The following NAV2 variants were observed in gnomAD, a reference collection of about 807,000 sequenced individuals.
NAV2 encodes the protein helicase, APC down-regulated 1.
NAV2 carries 54 observed loss-of-function variants against 223.2 expected under a neutral mutation model. The observed-to-expected ratio is 0.24, with a 90% CI of 0.19 to 0.30. NAV2 has a LOEUF of 0.30. Ranked by LOEUF, NAV2 falls within the 10% of genes least tolerant of loss-of-function variation. NAV2 has a pLI of 1.00. For synonymous variants in NAV2, 1,279 were observed against 1,239.3 expected, an observed-to-expected ratio of 1.03 and a Z score of -0.67; for missense variants, 2,806 against 3,147.5, an observed-to-expected ratio of 0.89 and a Z score of 2.60.
intron 1 of NAV2, among the ~76,000 whole-genome samples, chr11:19,497,238 A>G (rs2042825534): frequency 6.6e-6 from 1 of 152,176 alleles, no homozygotes; most frequent in African/African-American, 2.4e-5. Context: ...ACAGGTTGTT[A>G]TGAGGATTGA....
At chr11:19,925,570 G>A (rs2044672642) in intron 6 of NAV2, among the ~76,000 whole-genome samples, 1 of 152,086 alleles carries the variant, frequency 6.6e-6, no homozygotes, top group Non-Finnish European at 1.5e-5. Flanking sequence ...CCAATGTGGT[G>A]AAACCCTGTC....
At chr11:19,358,568 G>A (rs1853753569) in intron 1 of NAV2, among the ~76,000 whole-genome samples, 1 of 152,164 alleles carries the variant, frequency 6.6e-6, no homozygotes, top group African/African-American at 2.4e-5. Context: ...GTCACAGTGA[G>A]ACTTGAGGGA....
In NAV2 at chr11:19,948,747, T is replaced by C; in HGVS notation, c.2312T>C (p.Ile771Thr). Residue 771 changes from isoleucine (I) to threonine (T), a missense_variant, in exon 10 of 38, where the codon ATA (isoleucine) becomes ACA (threonine). Around this residue, in one of 4 missense-constraint regions of NAV2, gnomAD observed 1,167 missense variants for 1,180.5 expected, o/e 0.99. Transcript: ENST00000349880. ...ACCACGGAGATGAGTGGCCGTAGCA[T>C]ACTCAGCTTGACAGGGAGGCCCACA... ...NVTTEMSGRSILSLTGRPTPL... is the reference protein window; with the variant it reads ...NVTTEMSGRSTLSLTGRPTPL... The C allele has an allele frequency of 6.2e-7, 1 of 1,610,054 alleles. No individual in the cohort carries two copies. Among genetic ancestry groups the C allele is most frequent in the African/African-American group, 1.3e-5 (1 of 74,912 alleles).
intron 3 of NAV2, among the ~76,000 whole-genome samples, chr11:19,852,828 T>C (rs2061222215): frequency 6.6e-6 from 1 of 152,184 alleles, no homozygotes; most frequent in Admixed American, 6.5e-5. Flanking sequence ...AGCTAAACAA[T>C]AAGTGGTCCA....
chr11:19,582,404 C>T (rs1054981555), intron 1 of NAV2, among the ~76,000 whole-genome samples: 8 of 152,218 alleles, frequency 5.3e-5, no homozygotes, highest in Non-Finnish European at 1.0e-4. Context: ...CTTTTGTTGC[C>T]ATTGCTTTTG....
chr11:19,434,771 T>C (rs1279101808), intron 1 of NAV2, among the ~76,000 whole-genome samples: 3 of 151,872 alleles, frequency 2.0e-5, no homozygotes, highest in African/African-American at 7.2e-5. Flanking sequence ...ACATTATACA[T>C]GGAAATATCA....
At chr11:19,402,229 G>A (rs73412782) in intron 1 of NAV2, among the ~76,000 whole-genome samples, 3,003 of 152,248 alleles carry the variant, frequency 0.02, 113 homozygotes, top group African/African-American at 0.069. Flanking sequence ...AAGACCACCT[G>A]GTTCAAATCT....
chr11:19,527,984 C>T (rs1480719032), intron 1 of NAV2, among the ~76,000 whole-genome samples: 1 of 139,152 alleles, frequency 7.2e-6, no homozygotes, highest in Non-Finnish European at 1.5e-5. Flanking sequence ...TCCTGGGAAT[C>T]AGGCTGCAAT....
intron 11 of NAV2, among the ~76,000 whole-genome samples, chr11:19,993,328 C>T (rs1406207698): frequency 6.6e-6 from 1 of 152,186 alleles, no homozygotes; most frequent in Non-Finnish European, 1.5e-5. Flanking sequence ...TGACAGTCTT[C>T]ACTGCAAGAA....
chr11:19,673,210 A>AT (rs1386508836), intron 1 of NAV2, among the ~76,000 whole-genome samples: 1 of 152,172 alleles, frequency 6.6e-6, no homozygotes, highest in Non-Finnish European at 1.5e-5. Context: ...TACTATCTCC[A>AT]TTTATAGAAC....
chr11:19,659,306 G>A (rs114613691), intron 1 of NAV2, among the ~76,000 whole-genome samples: 291 of 152,322 alleles, frequency 1.9e-3, no homozygotes, highest in African/African-American at 6.6e-3. Flanking sequence ...GGCAAATGCT[G>A]AGGCCAGTTC....
chr11:19,952,463 T>C (rs1468510596), intron 10 of NAV2, among the ~76,000 whole-genome samples: 2 of 152,210 alleles, frequency 1.3e-5, no homozygotes, highest in Non-Finnish European at 2.9e-5. Context: ...CCCTCAAACA[T>C]CCAGGCGCTT....
At chr11:19,881,869 T>C (rs1383230870) in intron 5 of NAV2, among the ~76,000 whole-genome samples, 1 of 152,136 alleles carries the variant, frequency 6.6e-6, no homozygotes, top group African/African-American at 2.4e-5. Context: ...CTTGGTGTGT[T>C]GGAAGAGCAT....
intron 1 of NAV2, among the ~76,000 whole-genome samples, chr11:19,561,109 C>A (rs1020843749): frequency 6.6e-6 from 1 of 152,214 alleles, no homozygotes; most frequent in Non-Finnish European, 1.5e-5. Flanking sequence ...ACCATCCCTT[C>A]CGATTCTAAA....
At chr11:20,080,278 C>A in intron 25 of NAV2, 69 bp downstream of exon 25, 1 of 1,466,456 alleles carries the variant, frequency 6.8e-7, no homozygotes, top group Non-Finnish European at 9.4e-7. Flanking sequence ...GCTGCATCTC[C>A]CCAGATAAAG....
intron 11 of NAV2, chr11:20,027,540 G>T: frequency 1.2e-6 from 1 of 866,208 alleles, no homozygotes; most frequent in South Asian, 5.3e-5. Flanking sequence ...AGACAGAGGG[G>T]CGGGGGCTGG....
chr11:19,362,040 G>A (rs1349301826), intron 1 of NAV2, among the ~76,000 whole-genome samples: 5 of 152,184 alleles, frequency 3.3e-5, no homozygotes, highest in Non-Finnish European at 5.9e-5. Context: ...TGGGGAGGAG[G>A]ATGAGCTGGA....
Position 19,860,014 on chromosome 11 carries a change from C to T in NAV2, c.439-8911C>T, listed in dbSNP as rs1283401193. On this transcript the variant is annotated intron_variant, in intron 3 of 37. Transcript: ENST00000349880. ...CGGGGGGCTGACCCCCCCTCCCTCC[C>T]GGATGGGGCGGCTGGCCAGGCGGGG... Among the ~76,000 whole-genome samples the T allele has an allele frequency of 6.8e-3, 847 of 125,132 alleles. 36 individuals carry two copies. The highest frequency in any genetic ancestry group is 0.025 in the African/African-American group (792 of 31,706). The allele number at this position is 125,132 out of a possible 152,430, so 82.1% of individuals were successfully genotyped here.
intron 1 of NAV2, among the ~76,000 whole-genome samples, chr11:19,543,627 T>C (rs946540979): frequency 2.0e-5 from 3 of 152,244 alleles, no homozygotes; most frequent in African/African-American, 4.8e-5. Context: ...CCAAGATAGC[T>C]ACCCTCTATG....
Sources: gnomAD v4.1 joint callset for allele counts (sites outside exome capture counted in the v4.1 genomes callset) on GRCh38, gnomAD v4.1.1 for gene constraint, gnomAD v4.1.1 regional missense constraint, MANE v1.5 for transcripts, NCBI Gene and HGNC (gene_info 2026-07-23, HGNC 2026-07-21) for gene names.